Variants in GPHN observed in about 807,000 individuals in gnomAD.
GPHN encodes the protein gephyrin.
In GPHN, 17 loss-of-function variants were observed where a neutral mutation model predicts 95.5. The observed-to-expected ratio is 0.18, with a 90% CI of 0.12 to 0.27. The LOEUF (loss-of-function observed/expected upper bound fraction) is 0.27. Among genes scored for constraint, GPHN ranks in the 10% least tolerant of loss-of-function variants. GPHN has a pLI of 1.00. For missense variants in GPHN, 660 were observed against 978.1 expected, an observed-to-expected ratio of 0.67 and a Z score of 4.34; for synonymous variants, 320 against 322.5, an observed-to-expected ratio of 0.99 and a Z score of 0.08.
chr14:66,786,023 T>A lies in GPHN; in HGVS notation c.201+9502T>A, dbSNP rs112600176. The stretch of plus-strand genomic sequence containing the variant: ...GAAGAGCAAAATATATTCAGAGCAA[T>A]CAAAAGAAAGAAAACAATGAATTAA... On this transcript the variant is annotated intron_variant, in intron 3 of 22. Transcript: ENST00000478722. 3.1e-3 allele frequency among the ~76,000 whole-genome samples: 469 copies of A among 151,762 alleles called. 10 individuals carry two copies. Among genetic ancestry groups the A allele is most frequent in the African/African-American group, 0.011 (444 of 41,400 alleles).
At chr14:67,382,409 G>A in the GPHN span, 1 of 1,578,112 alleles carries the variant, frequency 6.3e-7, no homozygotes, top group Admixed American at 1.7e-5. Context: ...GGGTTCTGTA[G>A]GTACATTCAT....
the GPHN span, chr14:67,196,653 A>G: frequency 6.6e-6 from 1 of 152,216 alleles, no homozygotes; most frequent in Non-Finnish European, 1.5e-5. Context: ...CACATTATCA[A>G]ATATCCTCAT....
At chr14:67,650,864 C>T in the GPHN span, 1 of 1,614,226 alleles carries the variant, frequency 6.2e-7, no homozygotes, top group South Asian at 1.1e-5. Context: ...CTATGACCAA[C>T]TTCCTACTCC....
At chr14:67,480,217 A>G in the GPHN span, among the ~76,000 whole-genome samples, 1 of 152,136 alleles carries the variant, frequency 6.6e-6, no homozygotes. Context: ...ATGCAGGGTC[A>G]CTGTGCCCCT....
At chr14:67,074,920 G>A (rs2076438208) in intron 11 of GPHN, among the ~76,000 whole-genome samples, 1 of 152,152 alleles carries the variant, frequency 6.6e-6, no homozygotes, top group Non-Finnish European at 1.5e-5. Flanking sequence ...GCAAGGTGAA[G>A]CAGCAAATAC....
chr14:66,804,271 T>TC (rs2153478666), intron 3 of GPHN, among the ~76,000 whole-genome samples: 1 of 152,304 alleles, frequency 6.6e-6, no homozygotes, highest in Non-Finnish European at 1.5e-5. Flanking sequence ...GAGGTTTAGC[T>TC]CTAATATTCA....
intron 3 of GPHN, among the ~76,000 whole-genome samples, chr14:66,808,661 G>A (rs2060645907): frequency 6.6e-6 from 1 of 152,188 alleles, no homozygotes; most frequent in Admixed American, 6.5e-5. Context: ...GCCGTGCGTG[G>A]TGGCCTGTGC....
At chr14:67,198,197 C>A in the GPHN span, 18 of 1,613,648 alleles carry the variant, frequency 1.1e-5, no homozygotes, top group Non-Finnish European at 1.2e-5. Context: ...CCATGAGGAT[C>A]AATAAGCAAG....
intron 2 of GPHN, among the ~76,000 whole-genome samples, chr14:66,708,831 A>C (rs1206989182): frequency 6.6e-6 from 1 of 152,140 alleles, no homozygotes; most frequent in Admixed American, 6.6e-5. Context: ...CTAAACTTGC[A>C]TTTAGCAGCA....
chr14:67,398,746 C>T, the GPHN span, among the ~76,000 whole-genome samples: 16 of 152,150 alleles, frequency 1.1e-4, no homozygotes, highest in African/African-American at 2.9e-4. Flanking sequence ...TTTGTAAAGA[C>T]GAGGTCTCAC....
chr14:67,081,496 T>C (rs1459232359), intron 11 of GPHN, among the ~76,000 whole-genome samples: 1 of 152,232 alleles, frequency 6.6e-6, no homozygotes, highest in African/African-American at 2.4e-5. Context: ...TTCTAGATAT[T>C]AGTCCTTTGT....
intron 3 of GPHN, among the ~76,000 whole-genome samples, chr14:66,816,336 A>T: frequency 6.6e-6 from 1 of 152,120 alleles, no homozygotes; most frequent in Non-Finnish European, 1.5e-5. Flanking sequence ...CCACGTAAAA[A>T]CAACAGAATT....
intron 13 of GPHN, among the ~76,000 whole-genome samples, chr14:67,109,665 T>G (rs1171486351): frequency 6.6e-6 from 1 of 152,226 alleles, no homozygotes; most frequent in Non-Finnish European, 1.5e-5. Flanking sequence ...ATTTCTGGCT[T>G]GCCTTTATTT....
chr14:67,132,611 G>A (rs17781208), intron 17 of GPHN, among the ~76,000 whole-genome samples: 154 of 151,906 alleles, frequency 1.0e-3, no homozygotes, highest in Non-Finnish European at 9.9e-4. Flanking sequence ...GGTTCTTTCC[G>A]ATCTCAGTGA....
chr14:66,860,985 A>C (rs781309317), intron 4 of GPHN, among the ~76,000 whole-genome samples: 1 of 152,104 alleles, frequency 6.6e-6, no homozygotes. Flanking sequence ...AGAGAAGACC[A>C]CAAAACAACC....
At chr14:67,083,231 C>A (rs531357274) in intron 11 of GPHN, among the ~76,000 whole-genome samples, 3 of 149,616 alleles carry the variant, frequency 2.0e-5, no homozygotes, top group Admixed American at 1.3e-4. Context: ...GGATCTATGC[C>A]CCCCCCCCTC....
chr14:67,338,443 A>T, the GPHN span: 16 of 661,454 alleles, frequency 2.4e-5, no homozygotes, highest in Non-Finnish European at 3.9e-5. Flanking sequence ...CATCCATGAT[A>T]AATGGTTGCT....
chr14:67,642,137 T>G, the GPHN span: 1 of 1,577,052 alleles, frequency 6.3e-7, no homozygotes, highest in Non-Finnish European at 8.7e-7. Context: ...TAGTTAAGAG[T>G]TGGAGATAGC....
the GPHN span, among the ~76,000 whole-genome samples, chr14:67,516,822 T>A: frequency 1.3e-5 from 2 of 152,140 alleles, no homozygotes; most frequent in Non-Finnish European, 2.9e-5. Context: ...TGGGTTCTGA[T>A]TGGGGCAGAG....
Sources: allele counts gnomAD v4.1 joint callset (sites outside exome capture counted in the v4.1 genomes callset), GRCh38; gene constraint gnomAD v4.1.1; transcripts MANE v1.5; gene names NCBI Gene and HGNC (gene_info 2026-07-23, HGNC 2026-07-21).